SASH1: variants seen among roughly 807,000 people sequenced by gnomAD.
The protein encoded by SASH1 is SAM and SH3 domain containing 1.
A neutral mutation model predicts 125.2 loss-of-function variants in SASH1; 44 were observed. The observed-to-expected ratio is 0.35, with a 90% CI of 0.28 to 0.45. SASH1 has a LOEUF of 0.45. SASH1 is among the 20% of genes least tolerant of loss of function. The probability of loss-of-function intolerance (pLI) is 1.00; values close to 1 mark genes in which losing one functional copy is unlikely to be tolerated. For synonymous variants in SASH1, 639 were observed against 649.1 expected, an observed-to-expected ratio of 0.98 and a Z score of 0.24; for missense variants, 1,426 against 1,614.5, an observed-to-expected ratio of 0.88 and a Z score of 2.00.
the SASH1 span, among the ~76,000 whole-genome samples, chr6:148,244,784 G>A: frequency 2.6e-5 from 4 of 152,170 alleles, no homozygotes; most frequent in Non-Finnish European, 4.4e-5. Flanking sequence ...CCCCAAGGGC[G>A]ACATGAGAAA....
chr6:148,318,882 G>T (rs4469319), intron 1 of SASH1, among the ~76,000 whole-genome samples: 1 of 151,774 alleles, frequency 6.6e-6, no homozygotes, highest in Admixed American at 6.6e-5. Flanking sequence ...TTTTCACACA[G>T]AGAATATTTT....
intron 4 of SASH1, among the ~76,000 whole-genome samples, chr6:148,451,579 C>G (rs1490282388): frequency 6.6e-6 from 1 of 152,128 alleles, no homozygotes; most frequent in Non-Finnish European, 1.5e-5. Context: ...AGGAAGATTG[C>G]TTGAGCTCAG....
At chr6:148,303,675 A>C (rs570941789) in intron 1 of SASH1, among the ~76,000 whole-genome samples, 1 of 151,756 alleles carries the variant, frequency 6.6e-6, no homozygotes, top group South Asian at 2.1e-4. Context: ...GGCACCCATA[A>C]TCCCAACTAC....
chr6:148,428,038 G>A (rs559436608), intron 2 of SASH1, among the ~76,000 whole-genome samples: 1 of 152,190 alleles, frequency 6.6e-6, no homozygotes, highest in African/African-American at 2.4e-5. Context: ...CAGAGAAAGA[G>A]CCATTTTCCT....
At chr6:148,212,613 CG>C in the SASH1 span, among the ~76,000 whole-genome samples, 1 of 151,986 alleles carries the variant, frequency 6.6e-6, no homozygotes, top group Non-Finnish European at 1.5e-5. Flanking sequence ...ATGGATGATG[CG>C]GGTGGTATTA....
intron 2 of SASH1, among the ~76,000 whole-genome samples, chr6:148,419,318 C>T (rs1259595884): frequency 6.6e-6 from 1 of 152,084 alleles, no homozygotes; most frequent in Non-Finnish European, 1.5e-5. Context: ...TTTGGATTCT[C>T]TTTATGTTTT....
chr6:148,531,768 C>CTTCA, intron 13 of SASH1, 107 bp downstream of exon 13: 1 of 886,272 alleles, frequency 1.1e-6, no homozygotes, highest in Non-Finnish European at 1.5e-6. Flanking sequence ...AAGTCCTGCC[C>CTTCA]TTCAGGTGCT....
At chr6:148,486,089 A>T (rs1380608851) in intron 7 of SASH1, among the ~76,000 whole-genome samples, 2 of 152,152 alleles carry the variant, frequency 1.3e-5, no homozygotes, top group Non-Finnish European at 2.9e-5. Flanking sequence ...AAAAATTTTT[A>T]AAAGTAAATC....
chr6:148,380,724 G>A (rs1184904289), intron 1 of SASH1, among the ~76,000 whole-genome samples: 2 of 152,158 alleles, frequency 1.3e-5, no homozygotes, highest in Non-Finnish European at 2.9e-5. Flanking sequence ...TAGGGTTTTT[G>A]TGTAATACTC....
intron 1 of SASH1, among the ~76,000 whole-genome samples, chr6:148,377,220 A>C (rs1291902145): frequency 1.3e-5 from 2 of 150,286 alleles, no homozygotes; most frequent in African/African-American, 4.9e-5. Flanking sequence ...ACAAACAAAC[A>C]AACAAAAAAA....
rs761237473 is a variant in SASH1 at position 148,533,815 on chromosome 6, C to G, written c.1779C>G (p.Thr593=). 1 of 1,613,928 alleles carries G rather than the reference C, an allele frequency of 6.2e-7. No individual in the cohort carries two copies. Among genetic ancestry groups the G allele is most frequent in the South Asian group, 1.1e-5 (1 of 91,056 alleles). The part of the protein sequence containing the change: ...IDIISKPPMG[T]WMGLLNNKVG... ...TAATCAGCAAGCCACCCATGGGGAC[C>G]TGGATGGGCCTGCTGAACAACAAAG... Residue 593 remains threonine, a synonymous_variant, in exon 15 of 20, where the codon ACC becomes ACG. Coordinates refer to ENST00000367467, the MANE Select transcript of SASH1 (RefSeq NM_015278.5). The surrounding 1 kb of genome is among the most constrained non-coding windows in gnomAD (Gnocchi z 6.2).
At chr6:148,300,100 A>G (rs1562313021) in intron 1 of SASH1, among the ~76,000 whole-genome samples, 1 of 152,196 alleles carries the variant, frequency 6.6e-6, no homozygotes, top group East Asian at 1.9e-4. Context: ...CATTACCATA[A>G]CATGCTGTCA....
At chr6:148,455,565 T>A (rs1453406140) in intron 4 of SASH1, among the ~76,000 whole-genome samples, 1 of 152,134 alleles carries the variant, frequency 6.6e-6, no homozygotes, top group East Asian at 1.9e-4. Context: ...AGGGTCCACT[T>A]GGAGTGAGTC....
intron 5 of SASH1, among the ~76,000 whole-genome samples, chr6:148,469,908 C>A (rs796641890): frequency 3.9e-5 from 6 of 151,906 alleles, no homozygotes; most frequent in African/African-American, 1.2e-4. Context: ...TGCCTGCAAT[C>A]CCAGCTATTC....
the SASH1 span, among the ~76,000 whole-genome samples, chr6:148,237,980 A>G: frequency 1.3e-5 from 2 of 152,150 alleles, no homozygotes; most frequent in South Asian, 4.1e-4. Flanking sequence ...CCATGAGAAT[A>G]GCACACCCTG....
intron 1 of SASH1, among the ~76,000 whole-genome samples, chr6:148,349,425 G>A (rs1037557069): frequency 3.3e-5 from 5 of 151,608 alleles, no homozygotes; most frequent in Non-Finnish European, 5.9e-5. Context: ...CACCATGCCC[G>A]GCTAATTTTT....
chr6:148,227,124 G>C, the SASH1 span, among the ~76,000 whole-genome samples: 1 of 151,726 alleles, frequency 6.6e-6, no homozygotes, highest in Non-Finnish European at 1.5e-5. Context: ...GTTCCTTGTG[G>C]TTTTAGGCAC....
rs763669128 is a variant in SASH1, at chr6:148,533,001, G to T, written c.1734+35G>T. On this transcript the variant is annotated intron_variant, in intron 14 of 19. Transcript: ENST00000367467. The surrounding 1 kb of genome is among the most constrained non-coding windows in gnomAD (Gnocchi z 6.2). ...TCCCTGGCCTCAGAGCAGCTAACTG[G>T]GCTCTTCCATTTCTCTAGGAGGCTT... is the stretch of plus-strand genomic sequence containing the variant. 1 of 1,606,656 alleles carries T rather than the reference G, an allele frequency of 6.2e-7. No individual in the cohort carries two copies. The highest frequency in any genetic ancestry group is 8.5e-7 in the Non-Finnish European group (1 of 1,174,078).
At chr6:148,284,896 G>A (rs1282430707) in intron 1 of SASH1, among the ~76,000 whole-genome samples, 1 of 152,194 alleles carries the variant, frequency 6.6e-6, no homozygotes, top group Non-Finnish European at 1.5e-5. Context: ...CAAAGGGTAT[G>A]AACGTTTTTA....
Sources: gnomAD v4.1 joint callset for allele counts (sites outside exome capture counted in the v4.1 genomes callset) on GRCh38, gnomAD v4.1.1 for gene constraint, Gnocchi (gnomAD v3.1) non-coding constraint, MANE v1.5 for transcripts, NCBI Gene and HGNC (gene_info 2026-07-23, HGNC 2026-07-21) for gene names.